CPEB1: variants seen among roughly 807,000 people sequenced by gnomAD.
CPEB1 encodes the protein cytoplasmic polyadenylation element-binding protein 1.
CPEB1 carries 7 observed loss-of-function variants against 65.8 expected under a neutral mutation model. The ratio of observed to expected loss-of-function variants is 0.11; its 90% CI spans 0.06 to 0.20. The LOEUF (loss-of-function observed/expected upper bound fraction) is 0.20, where lower values mean the gene tolerates loss of function less well. Among genes scored for constraint, CPEB1 ranks in the 10% least tolerant of loss-of-function variants. The pLI, the probability that CPEB1 is intolerant of heterozygous loss-of-function variation, is 1.00. For synonymous variants in CPEB1, 262 were observed against 260.0 expected (o/e 1.01, Z -0.08); for missense variants, 551 against 712.2 (o/e 0.77, Z 2.58).
chr15:82,609,514 T>A lies in CPEB1; in HGVS notation c.271+17679A>T, dbSNP rs558216474. On this transcript the variant is annotated intron_variant, in intron 3 of 12. Coordinates refer to ENST00000684509, the MANE Select transcript of CPEB1 (RefSeq NM_001365242.1). ...AGAGCCTGTCTCAGAAAAAAAAAAA[T>A]AATAACAATAGTAATTAAATATCAA... 2.9e-4 allele frequency among the ~76,000 whole-genome samples: 43 copies of A among 146,464 alleles called. No homozygotes were observed. The East Asian group carries it at 3.5e-3, about 12-fold the overall frequency.
At chr15:82,555,431 A>G (rs927396803) in intron 6 of CPEB1, among the ~76,000 whole-genome samples, 1 of 152,242 alleles carries the variant, frequency 6.6e-6, no homozygotes, top group African/African-American at 2.4e-5. Flanking sequence ...CCAATCAGAA[A>G]GCCTCAGGGA....
intron 8 of CPEB1, among the ~76,000 whole-genome samples, chr15:82,552,830 T>G (rs986283150): frequency 6.6e-6 from 1 of 152,252 alleles, no homozygotes; most frequent in African/African-American, 2.4e-5. Context: ...AGGAAAGGAC[T>G]GGCAAGCTGA....
chr15:82,554,652 C>T (rs1199813017), intron 6 of CPEB1, among the ~76,000 whole-genome samples: 1 of 152,230 alleles, frequency 6.6e-6, no homozygotes, highest in Non-Finnish European at 1.5e-5. Context: ...TGTACCTTTC[C>T]AAATCAGAGA....
At chr15:82,564,702 C>T (rs559005230) in intron 4 of CPEB1, among the ~76,000 whole-genome samples, 7 of 152,250 alleles carry the variant, frequency 4.6e-5, no homozygotes, top group East Asian at 3.9e-4. Context: ...AGTGACTCAC[C>T]GCATCACATC....
chr15:82,584,322 A>C (rs1370556964), intron 3 of CPEB1, among the ~76,000 whole-genome samples: 1 of 151,442 alleles, frequency 6.6e-6, no homozygotes, highest in Admixed American at 6.6e-5. Flanking sequence ...GTGAAGATAC[A>C]AGTTTTTACC....
intron 10 of CPEB1, chr15:82,548,540 TC>T: frequency 6.9e-6 from 2 of 288,052 alleles, no homozygotes; most frequent in South Asian, 5.7e-5. Context: ...GATAAGGGAC[TC>T]CTTCAGTGCA....
At chr15:82,576,147 A>T (rs551794598) in intron 3 of CPEB1, among the ~76,000 whole-genome samples, 2 of 152,260 alleles carry the variant, frequency 1.3e-5, no homozygotes, top group African/African-American at 4.8e-5. Context: ...ATAAAAAGGA[A>T]TAATACAGGC....
intron 3 of CPEB1, among the ~76,000 whole-genome samples, chr15:82,621,483 T>TG (rs2045298654): frequency 2.6e-5 from 4 of 151,576 alleles, no homozygotes; most frequent in Admixed American, 2.6e-4. Context: ...TAGCCAGGGG[T>TG]GGTGGCACAT....
chr15:82,562,112 G>A (rs2038321930), intron 4 of CPEB1: 4 of 431,312 alleles, frequency 9.3e-6, no homozygotes, highest in Non-Finnish European at 9.1e-6. Flanking sequence ...ATGAGTGACA[G>A]AGACTGGATG....
chr15:82,591,387 G>A (rs766853658), intron 3 of CPEB1, among the ~76,000 whole-genome samples: 10 of 152,154 alleles, frequency 6.6e-5, no homozygotes, highest in East Asian at 1.9e-4. Context: ...TCAGCCTCCC[G>A]AGTAGCTGAA....
At chr15:82,622,166 C>T (rs542984737) in intron 3 of CPEB1, among the ~76,000 whole-genome samples, 1 of 152,050 alleles carries the variant, frequency 6.6e-6, no homozygotes, top group Non-Finnish European at 1.5e-5. Flanking sequence ...TGGAGAGGGC[C>T]CTCTAGGTGG....
intron 1 of CPEB1, among the ~76,000 whole-genome samples, chr15:82,638,165 G>T (rs2046820598): frequency 6.6e-6 from 1 of 152,142 alleles, no homozygotes; most frequent in Non-Finnish European, 1.5e-5. Context: ...ATCATTGTCA[G>T]ACAACTGTGG....
chr15:82,571,932 T>C (rs887027303), intron 3 of CPEB1: 2 of 862,980 alleles, frequency 2.3e-6, no homozygotes, highest in Admixed American at 5.5e-5. Context: ...AACAGCTACT[T>C]GGAATAGTCC....
chr15:82,612,145 T>C (rs1030809617), intron 3 of CPEB1, among the ~76,000 whole-genome samples: 2 of 151,946 alleles, frequency 1.3e-5, no homozygotes, highest in East Asian at 3.9e-4. Flanking sequence ...AATTTGAAAA[T>C]TTAAATGAAA....
At chr15:82,556,320 A>G (rs952144079) in intron 5 of CPEB1, 198 bp from the exon 6 acceptor site, 8 of 568,124 alleles carry the variant, frequency 1.4e-5, no homozygotes, top group African/African-American at 3.9e-5. Context: ...TCCTCATTCA[A>G]CTTTTCCATA....
chr15:82,620,660 G>A (rs533001379), intron 3 of CPEB1, among the ~76,000 whole-genome samples: 1 of 152,168 alleles, frequency 6.6e-6, no homozygotes, highest in South Asian at 2.1e-4. Context: ...AAAATTAGTT[G>A]GGCATGGTGG....
chr15:82,600,294 C>G (rs1203702755), intron 3 of CPEB1, among the ~76,000 whole-genome samples: 5 of 152,052 alleles, frequency 3.3e-5, no homozygotes, highest in African/African-American at 1.2e-4. Context: ...ATTGTGTAAC[C>G]ACCAAATACA....
intron 3 of CPEB1, among the ~76,000 whole-genome samples, chr15:82,577,949 G>A (rs1254555760): frequency 2.6e-5 from 4 of 151,972 alleles, no homozygotes; most frequent in East Asian, 3.9e-4. Flanking sequence ...GACCATCCTG[G>A]CTAACACGGT....
At chr15:82,568,500 C>T (rs1258353613) in intron 4 of CPEB1, among the ~76,000 whole-genome samples, 1 of 152,186 alleles carries the variant, frequency 6.6e-6, no homozygotes, top group Non-Finnish European at 1.5e-5. Context: ...AAGGACCCCA[C>T]AAAGTGTTAC....
Sources: allele counts gnomAD v4.1 joint callset (sites outside exome capture counted in the v4.1 genomes callset), GRCh38; gene constraint gnomAD v4.1.1; transcripts MANE v1.5; gene names NCBI Gene and HGNC (gene_info 2026-07-23, HGNC 2026-07-21).